Variants in MYH8 observed in about 807,000 individuals in gnomAD.
MYH8 encodes myosin heavy chain 8.
Under a neutral mutation model 233.2 loss-of-function variants are expected in MYH8, and 168 were observed. The ratio of observed to expected loss-of-function variants is 0.72; its 90% confidence interval spans 0.64 to 0.82. The LOEUF is 0.82. MYH8 is among the 40% of genes least tolerant of loss of function. MYH8 has a pLI of 0.00. For missense variants in MYH8, 1,995 were observed against 2,327.8 expected, an observed-to-expected ratio of 0.86 and a Z score of 2.94; for synonymous variants, 785 against 850.6, an observed-to-expected ratio of 0.92 and a Z score of 1.34.
Position 10,394,262 on chromosome 17 carries a change from A to G in MYH8, c.5153T>C (p.Leu1718Pro). The G allele has an allele frequency of 6.2e-7, 1 of 1,613,840 alleles. No homozygotes were observed. Among genetic ancestry groups the G allele is most frequent in the Non-Finnish European group, 8.5e-7 (1 of 1,179,880 alleles). Residue 1718 changes from leucine to proline, a missense_variant, in exon 35 of 40, where the codon CTC becomes CCC. Coordinates refer to ENST00000403437, the MANE Select transcript of MYH8 (RefSeq NM_002472.3). ...TGAGGGTCTCACCTGGGTGTGGAGG[A>G]GCTGGACACGCTCACTGGCATCCAG... ...ELLDASERVQ[L>P]LHTQNTSLIN... is the part of the protein sequence containing the mutation.
chr17:10,405,381 A>G (rs1192309231), intron 21 of MYH8, among the ~76,000 whole-genome samples: 2 of 152,226 alleles, frequency 1.3e-5, no homozygotes, highest in Non-Finnish European at 2.9e-5. Flanking sequence ...AGCTTGTTAA[A>G]ATGGAAATTC....
Position 10,401,386 on chromosome 17 carries a change from C to A in MYH8, c.2997G>T (p.Lys999Asn). 2.5e-6 allele frequency: 4 copies of A among 1,614,030 alleles called. No individual in the cohort carries two copies. The highest frequency in any genetic ancestry group is 2.5e-6 in the Non-Finnish European group (3 of 1,180,024). The change falls in exon 24 of 40, where the codon AAG (lysine) becomes AAT (asparagine). Residue 999 changes from lysine (K) to asparagine (N), a missense_variant. Physicochemically the swap from Lys to Asn is moderately conservative, Grantham distance 94. Around this residue, in one of 3 missense-constraint regions of MYH8, gnomAD observed 1,498 missense variants for 1,680.9 expected, o/e 0.89. Coordinates refer to ENST00000403437, the MANE Select transcript of MYH8 (RefSeq NM_002472.3). ...GCTGGTGGGTCTCTTGGAGAGCCTT[C>A]TTCTCCTTGGACAGTTTTGCAATGG... Reference protein sequence around the residue: ...DETIAKLSKEKKALQETHQQT... With the variant: ...DETIAKLSKENKALQETHQQT...
chr17:10,416,573 T>C (rs1285210838), intron 5 of MYH8, among the ~76,000 whole-genome samples: 1 of 152,226 alleles, frequency 6.6e-6, no homozygotes, highest in Non-Finnish European at 1.5e-5. Context: ...TCACTAACAG[T>C]GTACAAGAGT....
chr17:10,393,743 T>G (rs966750097), intron 35 of MYH8, among the ~76,000 whole-genome samples: 5 of 152,200 alleles, frequency 3.3e-5, no homozygotes, highest in African/African-American at 1.2e-4. Flanking sequence ...TATTTTTGGT[T>G]GTCAAAATGA....
At chr17:10,392,110 A>G in intron 38 of MYH8, 133 bp from the exon 39 acceptor site, 1 of 766,740 alleles carries the variant, frequency 1.3e-6, no homozygotes, top group South Asian at 1.4e-5. Context: ...TTTTCTTCAT[A>G]GAATTAACAG....
At chr17:10,397,069 ATTTCTTTTCTTTTCT>A in intron 30 of MYH8, 83 bp from the exon 31 acceptor site, 2 of 1,446,342 alleles carry the variant, frequency 1.4e-6, no homozygotes, top group Non-Finnish European at 1.9e-6. Context: ...TCACAGTCCT[ATTTCTTTTCTTTTCT>A]TTTGTTTCTT....
At chr17:10,392,726 G>A (rs972319997) in intron 37 of MYH8, 80 bp from the exon 38 acceptor site, 3 of 1,613,314 alleles carry the variant, frequency 1.9e-6, no homozygotes, top group Non-Finnish European at 2.5e-6. Flanking sequence ...CATGGGGTGG[G>A]TGTTCCCAGC....
rs912803182 is a variant in MYH8 at position 10,417,917 on chromosome 17, T to C, written c.511+728A>G. 6.6e-6 allele frequency among the ~76,000 whole-genome samples: 1 copy of C among 152,128 alleles called. No homozygotes were observed. The highest frequency in any genetic ancestry group is 2.4e-5 in the African/African-American group (1 of 41,418). ...AAACACCTTAGTTTCCAAAATTCCA[T>C]GGAACAACAGGAAACTCAGGAATAG... On this transcript the variant is annotated intron_variant, in intron 5 of 39. Coordinates refer to ENST00000403437, the MANE Select transcript of MYH8 (RefSeq NM_002472.3). This position sits in a 1 kb window ranked among gnomAD's most constrained non-coding sequence, Gnocchi z 4.1.
chr17:10,409,108 C>A lies in MYH8; in HGVS notation c.1954G>T (p.Ala652Ser), dbSNP rs780607733. 2 of 1,614,030 alleles carry A rather than the reference C, an allele frequency of 1.2e-6. No individual in the cohort carries two copies. The highest frequency in any genetic ancestry group is 1.1e-5 in the South Asian group (1 of 91,082). ...AATTTGTACTTTACCCTGAAAAGGG[C>A]AGACACAGTCTGGAAAGAAGAGCCC... ...KKGSSFQTVS[A>S]LFRENLNKLM... Residue 652 changes from alanine to serine, a missense_variant, in exon 17 of 40, where the codon GCC (alanine) becomes TCC (serine). Coordinates refer to ENST00000403437, the MANE Select transcript of MYH8 (RefSeq NM_002472.3).
At chr17:10,394,187 T>C (rs1597396973) in intron 35 of MYH8, 62 bp downstream of exon 35, 1 of 1,599,224 alleles carries the variant, frequency 6.3e-7, no homozygotes, top group Non-Finnish European at 8.6e-7. Flanking sequence ...AGTACTTTCA[T>C]GTTATAATTC....
chr17:10,396,307 A>G lies in MYH8; in HGVS notation c.4653+23T>C. ...TGATGTTTGTCTTTGTTTTTCCATAACATAATACAAGGTAATATGTACCTC... is the reference window on the plus strand; with the variant it reads ...TGATGTTTGTCTTTGTTTTTCCATAGCATAATACAAGGTAATATGTACCTC... On this transcript the variant is annotated intron_variant, in intron 33 of 39. Coordinates refer to ENST00000403437, the MANE Select transcript of MYH8 (RefSeq NM_002472.3). This position sits in a 1 kb window ranked among gnomAD's most constrained non-coding sequence, Gnocchi z 4.2. 1 of 1,613,192 alleles carries G rather than the reference A, an allele frequency of 6.2e-7. No homozygotes were observed. The highest frequency in any genetic ancestry group is 8.5e-7 in the Non-Finnish European group (1 of 1,179,794).
rs781511409 is a variant in MYH8, at chr17:10,414,476, C to G, written c.814G>C (p.Glu272Gln). Residue 272 changes from glutamate (E) to glutamine (Q), a missense_variant, in exon 10 of 40, where the codon GAA (glutamate) becomes CAA (glutamine). Physicochemically the swap from Glu to Gln is conservative, Grantham distance 29. Around this residue, in one of 3 missense-constraint regions of MYH8, gnomAD observed 479 missense variants for 600.9 expected, o/e 0.80. Coordinates refer to ENST00000403437, the MANE Select transcript of MYH8 (RefSeq NM_002472.3). ...AGCTGGAAAGTAACTCTGGACTTTTCTAAAAGATCTGGAGAGGGAAATAGA... is the reference window on the plus strand; with the variant it reads ...AGCTGGAAAGTAACTCTGGACTTTTGTAAAAGATCTGGAGAGGGAAATAGA... ...ASADIETYLL[E>Q]KSRVTFQLKA... The G allele has an allele frequency of 1.2e-6, 2 of 1,605,750 alleles. No homozygotes were observed. The highest frequency in any genetic ancestry group is 1.7e-6 in the Non-Finnish European group (2 of 1,172,668).
At position 10,401,176 on chromosome 17, in the gene MYH8, C is replaced by G. The variant is rs540108157; in HGVS notation, c.3124G>C (p.Glu1042Gln). Residue 1042 changes from glutamate (E) to glutamine (Q), a missense_variant, in exon 25 of 40, where the codon GAA (glutamate) becomes CAA (glutamine). Around this residue, in one of 3 missense-constraint regions of MYH8, gnomAD observed 1,498 missense variants for 1,680.9 expected, o/e 0.89. Transcript: ENST00000403437. ...TCCATTCGAAGCTTCTTTTCTTGTT[C>G]CAGAGACCCTTCAAGCTAATAAGAA... ...QQVDDLEGSL[E>Q]QEKKLRMDLE... The G allele has an allele frequency of 8.7e-6, 14 of 1,613,720 alleles. No homozygotes were observed. The highest frequency in any genetic ancestry group is 1.7e-4 in the Middle Eastern group (1 of 6,060).
At chr17:10,390,808 C>G (rs987488862) in intron 39 of MYH8, among the ~76,000 whole-genome samples, 2 of 152,152 alleles carry the variant, frequency 1.3e-5, no homozygotes, top group Non-Finnish European at 2.9e-5. Flanking sequence ...GAGGAGACAG[C>G]CTCATATAAA....
At position 10,415,150 on chromosome 17, in the gene MYH8, A is replaced by G. The variant is rs1249849082; in HGVS notation, c.771T>C (p.Thr257=). The change falls in exon 9 of 40, where the codon ACT becomes ACC. Residue 257 remains threonine (T), a synonymous_variant. Coordinates refer to ENST00000403437, the MANE Select transcript of MYH8 (RefSeq NM_002472.3). The surrounding 1 kb of genome is among the most constrained non-coding windows in gnomAD (Gnocchi z 4.1). The part of the protein sequence containing the change: ...FGKFIRIHFG[T]TGKLASADIE... The stretch of plus-strand genomic sequence containing the variant: ...TATCAGCAGATGCCAGCTTCCCTGT[A>G]GTACCAAAGTGGATTCTAATGAATT... 1.2e-6 allele frequency: 2 copies of G among 1,613,500 alleles called. No homozygotes were observed. Among genetic ancestry groups the G allele is most frequent in the Non-Finnish European group, 1.7e-6 (2 of 1,179,388 alleles).
At chr17:10,399,748 G>C in intron 27 of MYH8, 79 bp from the exon 28 acceptor site, 1 of 1,580,958 alleles carries the variant, frequency 6.3e-7, no homozygotes, top group Non-Finnish European at 8.6e-7. Flanking sequence ...AATATTTGTA[G>C]AGTAAATAAA....
At chr17:10,414,997 C>A in intron 9 of MYH8, 119 bp downstream of exon 9, 3 of 895,556 alleles carry the variant, frequency 3.3e-6, no homozygotes, top group Admixed American at 3.4e-5. Flanking sequence ...AGCTTACAGG[C>A]AGTACTGGCA....
intron 35 of MYH8, among the ~76,000 whole-genome samples, chr17:10,393,938 T>C (rs1266144269): frequency 3.3e-5 from 5 of 151,364 alleles, no homozygotes; most frequent in Admixed American, 6.6e-5. Flanking sequence ...TACCTCATGG[T>C]TTCCAAAATA....
intron 39 of MYH8, among the ~76,000 whole-genome samples, chr17:10,390,829 C>CATAACAA (rs1321433362): frequency 6.6e-6 from 1 of 152,170 alleles, no homozygotes. Flanking sequence ...GCCCATACAT[C>CATAACAA]CTTTTATGAT....
Sources: gnomAD v4.1 joint callset for allele counts (sites outside exome capture counted in the v4.1 genomes callset) on GRCh38, gnomAD v4.1.1 for gene constraint, gnomAD v4.1.1 regional missense constraint, Gnocchi (gnomAD v3.1) non-coding constraint, MANE v1.5 for transcripts, NCBI Gene and HGNC (gene_info 2026-07-23, HGNC 2026-07-21) for gene names.